Variants in DIAPH3 observed in about 807,000 individuals in gnomAD.
DIAPH3 encodes the protein protein diaphanous homolog 3.
A neutral mutation model predicts 144.3 loss-of-function variants in DIAPH3; 117 were observed. That is an observed-to-expected ratio of 0.81 (90% CI 0.70 to 0.95). The LOEUF (loss-of-function observed/expected upper bound fraction) is 0.95. Ranked by LOEUF, DIAPH3 falls within the 40% of genes least tolerant of loss-of-function variation. The pLI, the probability that DIAPH3 is intolerant of heterozygous loss-of-function variation, is 0.00. For missense variants in DIAPH3, 1,421 were observed against 1,412.7 expected (o/e 1.01, Z -0.09); for synonymous variants, 519 against 488.9 (o/e 1.06, Z -0.81).
In DIAPH3 at chr13:59,916,673, C is replaced by T. The variant is rs531419992; in HGVS notation, c.2171-424G>A. Among the ~76,000 whole-genome samples the T allele has an allele frequency of 3.3e-5, 5 of 152,142 alleles. No individual in the cohort carries two copies. The South Asian group carries it at 1.0e-3, about 32-fold the overall frequency. On this transcript the variant is annotated intron_variant, in intron 18 of 27. Transcript: ENST00000400324. ...ATTATTTGCTTGTATCTCTTCTAGC[C>T]TTAGGAAAGAGTTCAGGAAAAAGTA...
In DIAPH3 at chr13:59,974,302, C is replaced by T. The variant is rs748632915; in HGVS notation, c.1650+50G>A. 2.9e-5 allele frequency: 39 copies of T among 1,325,260 alleles called. No individual in the cohort carries two copies. The East Asian group carries it at 8.5e-4, about 29-fold the overall frequency. The allele number at this position is 1,325,260 out of a possible 1,614,324, so 82.1% of individuals were successfully genotyped here. On this transcript the variant is annotated intron_variant, in intron 15 of 27. Transcript: ENST00000400324. ...CTATGAAGATATAACATAACCTTTGCTCCCTCACTGTGTTTTTAATACCCA... is the reference window on the plus strand; with the variant it reads ...CTATGAAGATATAACATAACCTTTGTTCCCTCACTGTGTTTTTAATACCCA...
intron 20 of DIAPH3, among the ~76,000 whole-genome samples, chr13:59,901,042 C>G (rs114721077): frequency 2.6e-4 from 39 of 152,334 alleles, no homozygotes; most frequent in Non-Finnish European, 5.1e-4. Context: ...TGTCAAACTA[C>G]CACTAATTCA....
chr13:59,988,009 C>T (rs1282888274), intron 12 of DIAPH3, among the ~76,000 whole-genome samples: 2 of 151,728 alleles, frequency 1.3e-5, no homozygotes, highest in African/African-American at 2.4e-5. Context: ...AGTGTGGGTC[C>T]CTCAAGCCAT....
chr13:59,857,578 T>G lies in DIAPH3; in HGVS notation c.2737+3829A>C, dbSNP rs531937031. On this transcript the variant is annotated intron_variant, in intron 22 of 27. Coordinates refer to ENST00000400324, the MANE Select transcript of DIAPH3 (RefSeq NM_001042517.2). Reference sequence around the variant, plus strand: ...CATTGAATCCACTCTGATAATACACTGAATATTGATCTCTTCTAGAAGCTT... The same window carrying G: ...CATTGAATCCACTCTGATAATACACGGAATATTGATCTCTTCTAGAAGCTT... 2.6e-5 allele frequency among the ~76,000 whole-genome samples: 4 copies of G among 152,278 alleles called. No homozygotes were observed. The South Asian group carries it at 6.2e-4, about 24-fold the overall frequency.
At chr13:59,747,496 G>C (rs1356694884) in intron 27 of DIAPH3, among the ~76,000 whole-genome samples, 1 of 152,140 alleles carries the variant, frequency 6.6e-6, no homozygotes, top group African/African-American at 2.4e-5. Flanking sequence ...AGGCATGAGT[G>C]GTTTAAGTAA....
intron 11 of DIAPH3, 129 bp downstream of exon 11, chr13:59,991,939 T>A (rs1594253648): frequency 1.3e-6 from 1 of 744,756 alleles, no homozygotes; most frequent in East Asian, 2.6e-5. Flanking sequence ...ATAATAACAT[T>A]CTTCTGATGC....
chr13:59,985,860 G>T (rs2051363554), intron 12 of DIAPH3, among the ~76,000 whole-genome samples: 1 of 65,916 alleles, frequency 1.5e-5, no homozygotes, highest in South Asian at 6.9e-4. Flanking sequence ...CATGCTCATG[G>T]GTAGGAAGAA....
At chr13:59,963,477 G>T (rs926965585) in intron 17 of DIAPH3, among the ~76,000 whole-genome samples, 5 of 151,834 alleles carry the variant, frequency 3.3e-5, no homozygotes, top group African/African-American at 9.7e-5. Flanking sequence ...ATACCAAATT[G>T]CTATATAGCA....
chr13:59,922,691 AGAG>A (rs1453218418), intron 18 of DIAPH3, among the ~76,000 whole-genome samples: 1 of 152,118 alleles, frequency 6.6e-6, no homozygotes, highest in African/African-American at 2.4e-5. Flanking sequence ...CTACCATCAG[AGAG>A]GAGAAGAATA....
At chr13:60,003,311 T>A (rs566115927) in intron 9 of DIAPH3, among the ~76,000 whole-genome samples, 1 of 152,168 alleles carries the variant, frequency 6.6e-6, no homozygotes, top group Non-Finnish European at 1.5e-5. Context: ...TTAATTGATA[T>A]AGGCTATGAT....
rs562028975 is a variant in DIAPH3 at position 59,907,115 on chromosome 13, G to A, written c.2367+4620C>T. Among the ~76,000 whole-genome samples the A allele has an allele frequency of 1.0e-3, 159 of 152,270 alleles. 2 individuals are homozygous for A. The highest frequency in any genetic ancestry group is 6.8e-3 in the Middle Eastern group (2 of 294). ...AGCAATGACTCCAATTAATGACAAAGTATATTTTCATTTGTTAATCTAGTG... is the reference window on the plus strand; with the variant it reads ...AGCAATGACTCCAATTAATGACAAAATATATTTTCATTTGTTAATCTAGTG... On this transcript the variant is annotated intron_variant, in intron 20 of 27. Coordinates refer to ENST00000400324, the MANE Select transcript of DIAPH3 (RefSeq NM_001042517.2).
chr13:59,866,694 G>A (rs1156934532), intron 21 of DIAPH3, among the ~76,000 whole-genome samples: 1 of 152,020 alleles, frequency 6.6e-6, no homozygotes, highest in African/African-American at 2.4e-5. Context: ...TATGATTGAA[G>A]AAAAAGGTAT....
intron 22 of DIAPH3, among the ~76,000 whole-genome samples, chr13:59,850,392 T>G (rs2042895196): frequency 6.6e-6 from 1 of 151,658 alleles, no homozygotes; most frequent in African/African-American, 2.4e-5. Flanking sequence ...ATCCCTGTCT[T>G]GTGCCAGTTT....
rs572480893 is a variant in DIAPH3, at chr13:59,913,249, C to G, written c.2266-1413G>C. Among the ~76,000 whole-genome samples the G allele has an allele frequency of 6.6e-5, 10 of 152,236 alleles. No homozygotes were observed. In the South Asian group the frequency reaches 2.1e-3, roughly 32 times the overall value. Reference sequence around the variant, plus strand: ...TTTTTCACTCCATTAATTTTACATTCTAACATAAAAATACTATTGTGATTT... The same window carrying G: ...TTTTTCACTCCATTAATTTTACATTGTAACATAAAAATACTATTGTGATTT... On this transcript the variant is annotated intron_variant, in intron 19 of 27. Coordinates refer to ENST00000400324, the MANE Select transcript of DIAPH3 (RefSeq NM_001042517.2).
At chr13:59,843,105 C>T (rs2042435204) in intron 22 of DIAPH3, among the ~76,000 whole-genome samples, 1 of 152,204 alleles carries the variant, frequency 6.6e-6, no homozygotes, top group Non-Finnish European at 1.5e-5. Context: ...AGCTATACCC[C>T]TACCTGTCTT....
intron 25 of DIAPH3, among the ~76,000 whole-genome samples, chr13:59,783,776 T>C (rs1593843291): frequency 6.6e-6 from 1 of 152,194 alleles, no homozygotes; most frequent in South Asian, 2.1e-4. Flanking sequence ...TCACGTACAA[T>C]GCTCAGTAGG....
chr13:60,136,667 G>A (rs1375178070), intron 1 of DIAPH3, among the ~76,000 whole-genome samples: 2 of 152,116 alleles, frequency 1.3e-5, no homozygotes, highest in African/African-American at 2.4e-5. Flanking sequence ...CGGGCGCGGC[G>A]GCTCACGCCT....
chr13:59,756,213 A>C (rs1005124820), intron 27 of DIAPH3, among the ~76,000 whole-genome samples: 2 of 152,166 alleles, frequency 1.3e-5, no homozygotes. Flanking sequence ...CTAAGAAGCC[A>C]ACTTTCTTTT....
intron 20 of DIAPH3, among the ~76,000 whole-genome samples, chr13:59,889,116 G>C (rs1278999704): frequency 6.6e-6 from 1 of 151,760 alleles, no homozygotes; most frequent in Non-Finnish European, 1.5e-5. Flanking sequence ...TCCTAGTTGG[G>C]ATCTGCTGAG....
Sources: gnomAD v4.1 joint callset for allele counts (sites outside exome capture counted in the v4.1 genomes callset) on GRCh38, gnomAD v4.1.1 for gene constraint, MANE v1.5 for transcripts, NCBI Gene and HGNC (gene_info 2026-07-23, HGNC 2026-07-21) for gene names.